PCDH15: variants seen among roughly 807,000 people sequenced by gnomAD.
PCDH15 encodes protocadherin related 15, also known as protocadherin-15.
A neutral mutation model predicts 178.5 loss-of-function variants in PCDH15; 129 were observed. The ratio of observed to expected loss-of-function variants is 0.72; its 90% confidence interval spans 0.63 to 0.84. The LOEUF is 0.84. Ranked by LOEUF, PCDH15 falls within the 40% of genes least tolerant of loss-of-function variation. The pLI is 0.00. For missense variants in PCDH15, 2,230 were observed against 2,099.9 expected (o/e 1.06, Z -1.21); for synonymous variants, 800 against 732.0 (o/e 1.09, Z -1.50).
intron 2 of PCDH15, among the ~76,000 whole-genome samples, chr10:54,905,752 G>A (rs970852321): frequency 2.0e-5 from 3 of 152,046 alleles, no homozygotes; most frequent in African/African-American, 7.2e-5. Flanking sequence ...ACAAGAACAG[G>A]GGTTGAGATC....
At chr10:54,046,086 GAA>G (rs1385688821) in intron 18 of PCDH15, among the ~76,000 whole-genome samples, 7 of 152,116 alleles carry the variant, frequency 4.6e-5, no homozygotes, top group Non-Finnish European at 8.8e-5. Flanking sequence ...GTAAATATAT[GAA>G]AAGATTCTCA....
intron 35 of PCDH15, among the ~76,000 whole-genome samples, chr10:53,815,922 AGATT>A (rs1374287979): frequency 1.3e-5 from 2 of 152,150 alleles, no homozygotes; most frequent in Non-Finnish European, 2.9e-5. Flanking sequence ...AGATGAATTC[AGATT>A]GATTAAGACA....
intron 1 of PCDH15, among the ~76,000 whole-genome samples, chr10:54,667,814 G>A (rs1435993887): frequency 6.6e-6 from 1 of 152,046 alleles, no homozygotes; most frequent in African/African-American, 2.4e-5. Flanking sequence ...TGTTTTTTAA[G>A]AGATAATTAA....
intron 3 of PCDH15, chr10:54,864,645 G>A (rs980091266): frequency 2.0e-5 from 3 of 152,134 alleles, no homozygotes; most frequent in Non-Finnish European, 2.9e-5. Flanking sequence ...TCAAGCTGTT[G>A]GCTATGGCTG....
chr10:54,577,723 T>C (rs7476568), intron 2 of PCDH15, among the ~76,000 whole-genome samples: 142,426 of 152,042 alleles, frequency 0.94, 66,976 homozygotes, highest in Middle Eastern at 0.98. Context: ...CCTTACCCAG[T>C]GTGCCCACTA....
intron 9 of PCDH15, among the ~76,000 whole-genome samples, chr10:54,233,405 A>G (rs1157624554): frequency 6.6e-6 from 1 of 152,218 alleles, no homozygotes; most frequent in Non-Finnish European, 1.5e-5. Flanking sequence ...GTCATTGATT[A>G]AAGAATGTTT....
At chr10:54,175,964 A>T (rs1018012144) in intron 13 of PCDH15, among the ~76,000 whole-genome samples, 4 of 152,280 alleles carry the variant, frequency 2.6e-5, no homozygotes, top group Non-Finnish European at 5.9e-5. Context: ...GATATAGAAT[A>T]ACTAAGAAAT....
chr10:53,853,133 T>TA (rs1055996331), intron 28 of PCDH15, among the ~76,000 whole-genome samples: 7 of 151,450 alleles, frequency 4.6e-5, no homozygotes, highest in East Asian at 1.9e-4. Context: ...ACATAGGTTT[T>TA]AAAAAAAATC....
intron 1 of PCDH15, among the ~76,000 whole-genome samples, chr10:54,676,519 G>A (rs56196461): frequency 0.086 from 13,042 of 152,004 alleles, 637 homozygotes; most frequent in East Asian, 0.14. Context: ...AGTACCTTAA[G>A]AAGAATTTTA....
intron 2 of PCDH15, among the ~76,000 whole-genome samples, chr10:55,417,970 T>C (rs765218122): frequency 6.6e-6 from 1 of 151,586 alleles, no homozygotes; most frequent in Admixed American, 6.6e-5. Context: ...TGTGCATATA[T>C]AAAGAAAACT....
chr10:53,982,495 A>C (rs1194527454), intron 21 of PCDH15, among the ~76,000 whole-genome samples: 2 of 152,134 alleles, frequency 1.3e-5, no homozygotes, highest in Non-Finnish European at 2.9e-5. Context: ...CAGCCATAAA[A>C]AATGATGAGT....
chr10:55,533,276 C>A (rs906551092), intron 2 of PCDH15, among the ~76,000 whole-genome samples: 1 of 152,032 alleles, frequency 6.6e-6, no homozygotes, highest in African/African-American at 2.4e-5. Flanking sequence ...AGAAAGTTCT[C>A]TTCTCAAGTC....
At chr10:54,803,374 G>A (rs1348074515), upstream of PCDH15, among the ~76,000 whole-genome samples, 1 of 152,118 alleles carries the variant, frequency 6.6e-6, no homozygotes, top group African/African-American at 2.4e-5. Flanking sequence ...CCTGGTTTAA[G>A]ACGCTTAACT....
At chr10:54,158,882 C>G (rs531306474) in intron 13 of PCDH15, among the ~76,000 whole-genome samples, 1 of 151,952 alleles carries the variant, frequency 6.6e-6, no homozygotes, top group East Asian at 1.9e-4. Context: ...CTGAGGTGGG[C>G]AGATCACGAG....
intron 2 of PCDH15, among the ~76,000 whole-genome samples, chr10:55,562,834 A>G (rs1009220840): frequency 6.6e-6 from 1 of 152,042 alleles, no homozygotes; most frequent in Non-Finnish European, 1.5e-5. Context: ...GAATTCTGGG[A>G]AGATGATGGA....
At chr10:53,827,820 T>C (rs913341683) in intron 31 of PCDH15, among the ~76,000 whole-genome samples, 1 of 152,144 alleles carries the variant, frequency 6.6e-6, no homozygotes, top group African/African-American at 2.4e-5. Flanking sequence ...ATGATAATCT[T>C]AGAGAAAGCA....
chr10:54,979,341 T>C (rs1839158975), intron 2 of PCDH15, among the ~76,000 whole-genome samples: 1 of 152,168 alleles, frequency 6.6e-6, no homozygotes, highest in Non-Finnish European at 1.5e-5. Flanking sequence ...GACTTGTTTC[T>C]GTGGCTTCAA....
At chr10:55,622,179 A>G (rs1435889845) in intron 2 of PCDH15, among the ~76,000 whole-genome samples, 2 of 131,128 alleles carry the variant, frequency 1.5e-5, no homozygotes, top group African/African-American at 2.9e-5. Flanking sequence ...TATATTATAT[A>G]TATATACATT....
At chr10:54,275,273 C>A (rs2058288242) in intron 8 of PCDH15, among the ~76,000 whole-genome samples, 4 of 151,846 alleles carry the variant, frequency 2.6e-5, no homozygotes, top group African/African-American at 9.7e-5. Context: ...ATGCCAGATT[C>A]TGATTGAAAT....
Sources: gnomAD v4.1 joint callset for allele counts (sites outside exome capture counted in the v4.1 genomes callset) on GRCh38, gnomAD v4.1.1 for gene constraint, MANE v1.5 for transcripts, NCBI Gene and HGNC (gene_info 2026-07-23, HGNC 2026-07-21) for gene names.